Variants in EPHB1 observed in about 807,000 individuals in gnomAD.
EPHB1 encodes the protein EPH receptor B1, also known as ephrin type-B receptor 1.
A neutral mutation model predicts 94.4 loss-of-function variants in EPHB1; 30 were observed. That is an observed-to-expected ratio of 0.32 (90% CI 0.24 to 0.43). The LOEUF is 0.43. EPHB1 is among the 20% of genes least tolerant of loss of function. The pLI, the probability that EPHB1 is intolerant of heterozygous loss-of-function variation, is 1.00. For synonymous variants in EPHB1, 522 were observed against 489.1 expected (o/e 1.07, Z -0.89); for missense variants, 1,055 against 1,308.3 (o/e 0.81, Z 2.99).
intron 12 of EPHB1, among the ~76,000 whole-genome samples, chr3:135,238,062 A>G: frequency 6.6e-6 from 1 of 152,254 alleles, no homozygotes. Context: ...TAATTATGTC[A>G]ATAATTGATA....
At chr3:134,808,691 A>G (rs894213422) in intron 1 of EPHB1, among the ~76,000 whole-genome samples, 1 of 152,204 alleles carries the variant, frequency 6.6e-6, no homozygotes, top group Non-Finnish European at 1.5e-5. Flanking sequence ...TGGGCAAGTT[A>G]AAAACCCAGG....
intron 3 of EPHB1, among the ~76,000 whole-genome samples, chr3:135,078,824 T>G (rs1938045349): frequency 6.6e-6 from 1 of 152,200 alleles, no homozygotes; most frequent in Non-Finnish European, 1.5e-5. Flanking sequence ...AACCTGCACT[T>G]TTTGTGCACG....
At chr3:134,930,053 G>A (rs1001590190) in intron 2 of EPHB1, among the ~76,000 whole-genome samples, 1 of 150,780 alleles carries the variant, frequency 6.6e-6, no homozygotes, top group Admixed American at 6.6e-5. Flanking sequence ...TCCAGAGGAG[G>A]CACACAGTGC....
chr3:135,155,493 G>A (rs1272094734), intron 6 of EPHB1, among the ~76,000 whole-genome samples: 1 of 152,014 alleles, frequency 6.6e-6, no homozygotes, highest in Non-Finnish European at 1.5e-5. Flanking sequence ...ATTACCAGAG[G>A]AGGTCATCAT....
chr3:134,834,831 C>T (rs564921326), intron 1 of EPHB1, among the ~76,000 whole-genome samples: 3 of 152,288 alleles, frequency 2.0e-5, no homozygotes, highest in South Asian at 2.1e-4. Context: ...TAATTTTGGG[C>T]ATAATCAAAG....
chr3:135,048,240 TTTTC>T (rs1937061420), intron 3 of EPHB1, among the ~76,000 whole-genome samples: 1 of 146,388 alleles, frequency 6.8e-6, no homozygotes, highest in Non-Finnish European at 1.5e-5. Flanking sequence ...TTTTTTTTCT[TTTTC>T]TTTCTTTCTT....
intron 3 of EPHB1, among the ~76,000 whole-genome samples, chr3:135,046,840 A>G (rs564746329): frequency 1.3e-5 from 2 of 152,338 alleles, no homozygotes; most frequent in African/African-American, 4.8e-5. Context: ...TAACACACAT[A>G]AAATGCTTAG....
intron 10 of EPHB1, among the ~76,000 whole-genome samples, chr3:135,187,119 G>T (rs988052806): frequency 1.3e-5 from 2 of 152,172 alleles, no homozygotes; most frequent in African/African-American, 4.8e-5. Flanking sequence ...ACCTACACCT[G>T]GATCTGGGTC....
chr3:134,977,185 T>C (rs1934224213), intron 3 of EPHB1, among the ~76,000 whole-genome samples: 1 of 152,176 alleles, frequency 6.6e-6, no homozygotes, highest in African/African-American at 2.4e-5. Context: ...GACTTTCAGC[T>C]TGTGCTTCAC....
intron 3 of EPHB1, among the ~76,000 whole-genome samples, chr3:135,049,964 C>G (rs779139599): frequency 6.6e-6 from 1 of 152,168 alleles, no homozygotes; most frequent in Non-Finnish European, 1.5e-5. Context: ...AGTGGTACCC[C>G]GGGACCCTGA....
intron 3 of EPHB1, among the ~76,000 whole-genome samples, chr3:134,961,489 T>C (rs2107721942): frequency 6.6e-6 from 1 of 152,346 alleles, no homozygotes; most frequent in East Asian, 1.9e-4. Flanking sequence ...TACCTTTTTT[T>C]GTTGTTACTA....
intron 1 of EPHB1, among the ~76,000 whole-genome samples, chr3:134,888,317 A>G (rs1249023474): frequency 6.6e-6 from 1 of 152,190 alleles, no homozygotes; most frequent in African/African-American, 2.4e-5. Context: ...GCTCCAAGCC[A>G]TGAGGGAGGG....
chr3:135,121,698 C>T (rs1274228654), intron 4 of EPHB1, among the ~76,000 whole-genome samples: 1 of 152,038 alleles, frequency 6.6e-6, no homozygotes, highest in African/African-American at 2.4e-5. Context: ...TACCTAAAGG[C>T]CTGGGAGAAC....
At chr3:135,225,148 T>C (rs1287981602) in intron 12 of EPHB1, among the ~76,000 whole-genome samples, 3 of 152,188 alleles carry the variant, frequency 2.0e-5, no homozygotes, top group Admixed American at 6.5e-5. Flanking sequence ...AGAGCTAGGA[T>C]GCCCTGCCCC....
chr3:134,847,139 C>T lies in EPHB1; in HGVS notation c.58+51450C>T, dbSNP rs184737511. ...TCCCTGTGGAAGGCTCCAGGATACC[C>T]GGAGGTGACTCAGGTTAAAACACAC... On this transcript the variant is annotated intron_variant, in intron 1 of 15. Coordinates refer to ENST00000398015, the MANE Select transcript of EPHB1 (RefSeq NM_004441.5). Among the ~76,000 whole-genome samples the T allele has an allele frequency of 2.6e-5, 4 of 151,878 alleles. No homozygotes were observed. In the East Asian group the frequency reaches 7.8e-4, roughly 30 times the overall value.
intron 1 of EPHB1, among the ~76,000 whole-genome samples, chr3:134,832,046 A>T (rs2035069315): frequency 6.6e-6 from 1 of 152,270 alleles, no homozygotes; most frequent in South Asian, 2.1e-4. Flanking sequence ...ACTAAATCTG[A>T]ATTCCAAGTA....
intron 3 of EPHB1, among the ~76,000 whole-genome samples, chr3:135,039,557 G>A (rs1936763883): frequency 6.6e-6 from 1 of 152,244 alleles, no homozygotes; most frequent in Non-Finnish European, 1.5e-5. Flanking sequence ...TGGGCTGCAG[G>A]TCCCGAGCCC....
chr3:135,103,572 A>G (rs928701669), intron 3 of EPHB1, among the ~76,000 whole-genome samples: 1 of 152,204 alleles, frequency 6.6e-6, no homozygotes, highest in Non-Finnish European at 1.5e-5. Flanking sequence ...TGTGGGAGTT[A>G]TTGTGAGAAA....
chr3:135,233,333 G>A (rs1228971402), intron 12 of EPHB1, among the ~76,000 whole-genome samples: 1 of 152,236 alleles, frequency 6.6e-6, no homozygotes, highest in African/African-American at 2.4e-5. Flanking sequence ...CCCCATGCAA[G>A]TCCAAAATCC....
Sources: gnomAD v4.1 joint callset for allele counts (sites outside exome capture counted in the v4.1 genomes callset) on GRCh38, gnomAD v4.1.1 for gene constraint, MANE v1.5 for transcripts, NCBI Gene and HGNC (gene_info 2026-07-23, HGNC 2026-07-21) for gene names.